The following RAB6A variants were observed in gnomAD, a reference collection of about 807,000 sequenced individuals.
RAB6A encodes RAB6A, member RAS oncogene family.
RAB6A carries 8 observed loss-of-function variants against 32.3 expected under a neutral mutation model. That is an observed-to-expected ratio of 0.25 (90% CI 0.15 to 0.45). RAB6A has a LOEUF of 0.45. Ranked by LOEUF, RAB6A falls within the 20% of genes least tolerant of loss-of-function variation. RAB6A has a pLI of 1.00. For missense variants in RAB6A, 104 were observed against 249.4 expected (o/e 0.42, Z 3.93); for synonymous variants, 73 against 82.1 (o/e 0.89, Z 0.60).
intron 6 of RAB6A, among the ~76,000 whole-genome samples, chr11:73,699,602 T>A (rs1232261575): frequency 6.6e-6 from 1 of 152,202 alleles, no homozygotes; most frequent in Non-Finnish European, 1.5e-5. Flanking sequence ...TATCTTACTG[T>A]CTGTAGCATT....
intron 6 of RAB6A, among the ~76,000 whole-genome samples, chr11:73,682,434 C>A (rs952366556): frequency 6.6e-6 from 1 of 152,132 alleles, no homozygotes; most frequent in Admixed American, 6.5e-5. Flanking sequence ...GAGGCTGAGG[C>A]GGGTGGATCA....
intron 2 of RAB6A, chr11:73,729,466 C>CA (rs1412547464): frequency 6.6e-6 from 1 of 151,996 alleles, no homozygotes; most frequent in Admixed American, 6.6e-5. Context: ...CTTGAGTCTT[C>CA]TTTTTTTTCT....
intron 6 of RAB6A, 23 bp downstream of exon 6, chr11:73,707,397 T>C (rs974090067): frequency 2.6e-6 from 4 of 1,526,250 alleles, no homozygotes; most frequent in Admixed American, 3.4e-5. Flanking sequence ...TTTTTTCAAT[T>C]TGGTAACCTC....
chr11:73,724,965 G>A (rs1431654695), intron 2 of RAB6A, among the ~76,000 whole-genome samples: 2 of 152,108 alleles, frequency 1.3e-5, no homozygotes, highest in African/African-American at 4.8e-5. Flanking sequence ...AAAAACTCCA[G>A]GAAATAAAGA....
chr11:73,734,509 G>A (rs1946364098), intron 1 of RAB6A, among the ~76,000 whole-genome samples: 1 of 152,126 alleles, frequency 6.6e-6, no homozygotes, highest in South Asian at 2.1e-4. Context: ...CAATCTTTTT[G>A]GCACCAGGGA....
chr11:73,716,237 A>AT lies in RAB6A; in HGVS notation c.401+13_401+14insA. On this transcript the variant is annotated intron_variant, in intron 5 of 7. Coordinates refer to ENST00000336083, the MANE Select transcript of RAB6A (RefSeq NM_198896.2). ...AGAAATCAAACATTACACACATATAAAATAACTCCATACCTCTTGTCAGCA... is the reference window on the plus strand; with the variant it reads ...AGAAATCAAACATTACACACATATAATAATAACTCCATACCTCTTGTCAGCA... 1.3e-6 allele frequency: 2 copies of AT among 1,561,494 alleles called. No individual in the cohort carries two copies. The highest frequency in any genetic ancestry group is 2.2e-5 in the South Asian group (2 of 89,360).
intron 1 of RAB6A, among the ~76,000 whole-genome samples, chr11:73,735,324 T>C (rs7939193): frequency 0.1 from 15,165 of 152,110 alleles, 859 homozygotes; most frequent in South Asian, 0.27. Flanking sequence ...GCAAATATAA[T>C]AGAAAAATGA....
chr11:73,725,521 T>G (rs939044541), intron 2 of RAB6A, among the ~76,000 whole-genome samples: 3 of 152,054 alleles, frequency 2.0e-5, no homozygotes, highest in African/African-American at 7.2e-5. Context: ...GGCCTCACAA[T>G]CATAGTGGAA....
intron 6 of RAB6A, among the ~76,000 whole-genome samples, chr11:73,684,881 T>C (rs1321212039): frequency 6.6e-6 from 1 of 152,224 alleles, no homozygotes; most frequent in African/African-American, 2.4e-5. Context: ...GATATATACA[T>C]ATTGGAGGCC....
intron 6 of RAB6A, among the ~76,000 whole-genome samples, chr11:73,695,218 T>C (rs1945637709): frequency 6.6e-6 from 1 of 151,998 alleles, no homozygotes; most frequent in Non-Finnish European, 1.5e-5. Context: ...TCAAACTTAC[T>C]TCTTGGTTTA....
At chr11:73,679,980 C>A (rs1227704002) in intron 6 of RAB6A, among the ~76,000 whole-genome samples, 1 of 152,048 alleles carries the variant, frequency 6.6e-6, no homozygotes, top group Admixed American at 6.5e-5. Context: ...CGCCTATAGT[C>A]CTAGGTACTG....
intron 1 of RAB6A, among the ~76,000 whole-genome samples, chr11:73,734,959 G>A (rs932630416): frequency 2.6e-5 from 4 of 152,160 alleles, no homozygotes; most frequent in African/African-American, 9.7e-5. Flanking sequence ...AATGAGAAAT[G>A]CTCCAATGAG....
intron 6 of RAB6A, among the ~76,000 whole-genome samples, chr11:73,695,053 A>T (rs1272225015): frequency 6.6e-6 from 1 of 151,974 alleles, no homozygotes; most frequent in African/African-American, 2.4e-5. Context: ...ATATATCCAA[A>T]TTTTTTTAAT....
intron 2 of RAB6A, among the ~76,000 whole-genome samples, chr11:73,725,485 G>C (rs982139495): frequency 6.6e-6 from 1 of 152,172 alleles, no homozygotes; most frequent in African/African-American, 2.4e-5. Flanking sequence ...AGGTTTAATG[G>C]ACTTGCAGTT....
chr11:73,717,160 T>C (rs542898147), intron 4 of RAB6A, among the ~76,000 whole-genome samples: 1 of 152,302 alleles, frequency 6.6e-6, no homozygotes, highest in African/African-American at 2.4e-5. Flanking sequence ...AGACTGCATA[T>C]AGCACCTATC....
chr11:73,754,444 T>C (rs977781391), intron 1 of RAB6A, among the ~76,000 whole-genome samples: 8 of 152,264 alleles, frequency 5.3e-5, no homozygotes, highest in Non-Finnish European at 7.3e-5. Context: ...TTGAAATGTA[T>C]TGTGGAGTTT....
At chr11:73,678,249 T>G (rs180916315) in intron 7 of RAB6A, among the ~76,000 whole-genome samples, 15 of 152,344 alleles carry the variant, frequency 9.8e-5, no homozygotes, top group African/African-American at 2.4e-4. Flanking sequence ...ATGTTCCTCA[T>G]AGAATCATCT....
rs530142683 is a variant in RAB6A at position 73,719,155 on chromosome 11, C to G, written c.184-437G>C. ...TCACAGAATCAGAAATATGGCTTCC[C>G]TTTTTCCCTACCTAAAACCTGTTTG... is the stretch of plus-strand genomic sequence containing the variant. On this transcript the variant is annotated intron_variant, in intron 3 of 7. Transcript: ENST00000336083. Among the ~76,000 whole-genome samples the G allele has an allele frequency of 2.6e-4, 40 of 152,260 alleles. 1 individual carries two copies. The highest frequency in any genetic ancestry group is 9.6e-4 in the African/African-American group (40 of 41,566).
chr11:73,753,711 A>G (rs1389529798), intron 1 of RAB6A, among the ~76,000 whole-genome samples: 7 of 148,958 alleles, frequency 4.7e-5, no homozygotes, highest in Non-Finnish European at 8.9e-5. Context: ...ATTCCGTCTG[A>G]AAAAAAAACA....
Sources: allele counts gnomAD v4.1 joint callset (sites outside exome capture counted in the v4.1 genomes callset), GRCh38; gene constraint gnomAD v4.1.1; transcripts MANE v1.5; gene names NCBI Gene and HGNC (gene_info 2026-07-23, HGNC 2026-07-21).